Variants in TPP2 observed in about 807,000 individuals in gnomAD.
The protein encoded by TPP2 is tripeptidyl peptidase 2, also known as tripeptidyl-peptidase 2.
TPP2 carries 34 observed loss-of-function variants against 155.9 expected under a neutral mutation model. The observed-to-expected ratio is 0.22, with a 90% CI of 0.17 to 0.29. The LOEUF (loss-of-function observed/expected upper bound fraction) is 0.29. TPP2 is among the 10% of genes least tolerant of loss of function. The probability of loss-of-function intolerance (pLI) is 1.00; values close to 1 mark genes in which losing one functional copy is unlikely to be tolerated. For synonymous variants in TPP2, 510 were observed against 529.4 expected (o/e 0.96, Z 0.50); for missense variants, 1,028 against 1,522.3 (o/e 0.68, Z 5.40).
chr13:102,639,238 G>A (rs1160992357), intron 15 of TPP2, among the ~76,000 whole-genome samples: 1 of 152,176 alleles, frequency 6.6e-6, no homozygotes, highest in Non-Finnish European at 1.5e-5. Context: ...ATTATCTAGT[G>A]GATGAAGGTG....
At chr13:102,661,126 G>C (rs993983210) in intron 25 of TPP2, among the ~76,000 whole-genome samples, 5 of 151,802 alleles carry the variant, frequency 3.3e-5, no homozygotes, top group Non-Finnish European at 7.4e-5. Flanking sequence ...AGATAATTTG[G>C]ACTTAATCAA....
At chr13:102,627,402 C>G (rs1478662099) in intron 7 of TPP2, among the ~76,000 whole-genome samples, 1 of 152,046 alleles carries the variant, frequency 6.6e-6, no homozygotes, top group African/African-American at 2.4e-5. Context: ...TCATTTCTAG[C>G]AAATCTCCTA....
intron 1 of TPP2, among the ~76,000 whole-genome samples, chr13:102,604,367 A>G (rs1879656211): frequency 1.3e-5 from 2 of 152,110 alleles, no homozygotes; most frequent in South Asian, 4.1e-4. Context: ...TTTTCTCCAT[A>G]GTTAATTTTC....
chr13:102,646,051 C>G (rs1348633638), intron 19 of TPP2, among the ~76,000 whole-genome samples: 2 of 152,082 alleles, frequency 1.3e-5, no homozygotes, highest in Admixed American at 6.6e-5. Flanking sequence ...AATGTTTTTG[C>G]CATGAAAAGA....
rs1317136370 is a variant in TPP2 at position 102,677,249 on chromosome 13, T to C, written c.3699+834T>C. On this transcript the variant is annotated intron_variant, in intron 29 of 29. Transcript: ENST00000376052. ...AACTCTTTCTGGAGCCAGGTGTTGA[T>C]ATGTCTAATGTGGTTCTCATCATGT... Among the ~76,000 whole-genome samples, 3 of 152,206 alleles carry C rather than the reference T, an allele frequency of 2.0e-5. No homozygotes were observed. The East Asian group carries it at 5.8e-4, about 29-fold the overall frequency.
intron 25 of TPP2, among the ~76,000 whole-genome samples, chr13:102,658,663 CT>C (rs1884008441): frequency 2.0e-5 from 3 of 152,194 alleles, no homozygotes; most frequent in African/African-American, 7.2e-5. Flanking sequence ...AAGCAAGAGT[CT>C]GTGATATTTG....
intron 13 of TPP2, among the ~76,000 whole-genome samples, 196 bp from the exon 14 acceptor site, chr13:102,636,886 G>A (rs1882417444): frequency 1.3e-5 from 2 of 152,142 alleles, no homozygotes; most frequent in African/African-American, 4.8e-5. Flanking sequence ...ACCAGTGCTT[G>A]GTGAAAGTAT....
chr13:102,614,373 C>CGTGT (rs1566324219), intron 3 of TPP2, among the ~76,000 whole-genome samples, 177 bp downstream of exon 3: 2 of 152,098 alleles, frequency 1.3e-5, no homozygotes, highest in African/African-American at 2.4e-5. Context: ...GAATGTCATC[C>CGTGT]GTGTAAACTT....
intron 2 of TPP2, among the ~76,000 whole-genome samples, chr13:102,610,058 A>T (rs1036963185): frequency 2.6e-5 from 4 of 152,044 alleles, no homozygotes; most frequent in African/African-American, 9.7e-5. Flanking sequence ...TTTTTCAGGG[A>T]TGTGCAGGTG....
At chr13:102,614,990 A>G (rs1337153905) in intron 3 of TPP2, among the ~76,000 whole-genome samples, 1 of 152,200 alleles carries the variant, frequency 6.6e-6, no homozygotes, top group East Asian at 1.9e-4. Flanking sequence ...AGTACCTAAT[A>G]CAAGTCCAGG....
At chr13:102,629,657 A>G (rs1285861378) in intron 9 of TPP2, 48 bp downstream of exon 9, 2 of 1,539,206 alleles carry the variant, frequency 1.3e-6, no homozygotes, top group Admixed American at 5.0e-5. Flanking sequence ...CAAGCAAACA[A>G]AAAACAATAG....
In TPP2 at chr13:102,597,024, C is replaced by G. The variant is rs749178413; in HGVS notation, c.-15C>G. The G allele has an allele frequency of 6.2e-7, 1 of 1,610,790 alleles. No individual in the cohort carries two copies. Among genetic ancestry groups the G allele is most frequent in the Non-Finnish European group, 8.5e-7 (1 of 1,179,048 alleles). On this transcript the variant is annotated 5_prime_UTR_variant, in exon 1 of 30. Coordinates refer to ENST00000376052, the MANE Select transcript of TPP2 (RefSeq NM_001330588.2). ...CCTGGCAGTTTGCCGCTTCCTCGTCCTCCATCCTGCGTCCATGGCCACCGC... is the reference window on the plus strand; with the variant it reads ...CCTGGCAGTTTGCCGCTTCCTCGTCGTCCATCCTGCGTCCATGGCCACCGC...
At chr13:102,627,767 A>G (rs2139479997) in intron 7 of TPP2, 81 bp from the exon 8 acceptor site, 1 of 976,574 alleles carries the variant, frequency 1.0e-6, no homozygotes, top group Non-Finnish European at 1.6e-6. Context: ...AAACTATAGG[A>G]TTATATATAT....
At chr13:102,646,877 C>T (rs1883140279) in intron 20 of TPP2, among the ~76,000 whole-genome samples, 1 of 152,156 alleles carries the variant, frequency 6.6e-6, no homozygotes, top group African/African-American at 2.4e-5. Context: ...CTGAAACACA[C>T]ATCAGTTTGG....
chr13:102,647,158 A>C (rs1395761128), intron 20 of TPP2, 49 bp from the exon 21 acceptor site: 21 of 1,512,596 alleles, frequency 1.4e-5, no homozygotes, highest in Non-Finnish European at 1.9e-5. Flanking sequence ...AATTTGTATC[A>C]GAAATTATAT....
At chr13:102,654,944 C>T (rs1883754747) in intron 24 of TPP2, 1 of 494,760 alleles carries the variant, frequency 2.0e-6, no homozygotes, top group South Asian at 1.5e-5. Context: ...GGACAGGCAG[C>T]TGGGTCCTGA....
chr13:102,674,818 A>G (rs1370879745), intron 28 of TPP2, among the ~76,000 whole-genome samples: 1 of 152,186 alleles, frequency 6.6e-6, no homozygotes, highest in Non-Finnish European at 1.5e-5. Context: ...ACCCTTCTCT[A>G]GTTATATGCT....
chr13:102,665,065 C>G, intron 27 of TPP2, 140 bp downstream of exon 27: 1 of 1,061,460 alleles, frequency 9.4e-7, no homozygotes, highest in Non-Finnish European at 1.3e-6. Context: ...TATTTGGATA[C>G]TCCCCTCCTT....
At chr13:102,653,648 A>T (rs1883661358) in intron 24 of TPP2, among the ~76,000 whole-genome samples, 1 of 152,216 alleles carries the variant, frequency 6.6e-6, no homozygotes. Flanking sequence ...CTCCTGGCTC[A>T]GCCTCCCAAA....
Sources: gnomAD v4.1 joint callset for allele counts (sites outside exome capture counted in the v4.1 genomes callset) on GRCh38, gnomAD v4.1.1 for gene constraint, MANE v1.5 for transcripts, NCBI Gene and HGNC (gene_info 2026-07-23, HGNC 2026-07-21) for gene names.